The following ATP2B4 variants were observed in gnomAD, a reference collection of about 807,000 sequenced individuals.
ATP2B4 encodes the protein plasma membrane calcium-transporting ATPase 4.
Under a neutral mutation model 110.3 loss-of-function variants are expected in ATP2B4, and 39 were observed. The observed-to-expected ratio is 0.35, with a 90% CI of 0.27 to 0.46. ATP2B4 has a LOEUF of 0.46. ATP2B4 is among the 20% of genes least tolerant of loss of function. The pLI, the probability that ATP2B4 is intolerant of heterozygous loss-of-function variation, is 1.00. For missense variants in ATP2B4, 1,135 were observed against 1,530.9 expected (o/e 0.74, Z 4.32); for synonymous variants, 538 against 571.7 (o/e 0.94, Z 0.84).
In ATP2B4 at chr1:203,629,868, GAT is replaced by G. The variant is rs1571656690; in HGVS notation, c.-465+2650_-465+2651del. Among the ~76,000 whole-genome samples, 1 of 152,208 alleles carries G rather than the reference GAT, an allele frequency of 6.6e-6. No individual in the cohort carries two copies. Among genetic ancestry groups the G allele is most frequent in the East Asian group, 1.9e-4 (1 of 5,186 alleles). On this transcript the variant is annotated intron_variant, in intron 1 of 20. Coordinates refer to ENST00000357681, the MANE Select transcript of ATP2B4 (RefSeq NM_001684.5). This position sits in a 1 kb window ranked among gnomAD's most constrained non-coding sequence, Gnocchi z 4.6. ...TCCCAGCGCCCAGCACGGAGCCTGG[GAT>G]GTTAGAGCGCTGGGTCAAGGCATGT...
intron 1 of ATP2B4, among the ~76,000 whole-genome samples, chr1:203,658,974 A>G: frequency 6.6e-6 from 1 of 152,148 alleles, no homozygotes. Context: ...ACTGCACTCC[A>G]GCCTGGGTGA....
intron 20 of ATP2B4, among the ~76,000 whole-genome samples, chr1:203,737,763 C>A (rs1393617362): frequency 1.3e-5 from 2 of 152,190 alleles, no homozygotes; most frequent in Admixed American, 1.3e-4. Context: ...TGAGCTGATA[C>A]TGTTGAGTGG....
intron 20 of ATP2B4, among the ~76,000 whole-genome samples, chr1:203,736,943 G>C (rs1317895639): frequency 3.3e-5 from 5 of 152,160 alleles, no homozygotes; most frequent in Non-Finnish European, 7.3e-5. Context: ...CAAGCCAGCT[G>C]GTGCTCCCTA....
intron 20 of ATP2B4, among the ~76,000 whole-genome samples, chr1:203,730,154 A>AT (rs1666656787): frequency 6.6e-6 from 1 of 151,712 alleles, no homozygotes; most frequent in African/African-American, 2.4e-5. Context: ...TTTAAAAAAA[A>AT]ATTTACCCTG....
chr1:203,739,493 G>C (rs1666951256), intron 20 of ATP2B4, 53 bp from the exon 21 acceptor site: 1 of 1,545,890 alleles, frequency 6.5e-7, no homozygotes, highest in African/African-American at 1.4e-5. Flanking sequence ...TGTTCTGCCG[G>C]CCAATTCTCA....
chr1:203,698,418 G>T, intron 3 of ATP2B4, 64 bp downstream of exon 3: 1 of 1,526,692 alleles, frequency 6.6e-7, no homozygotes, highest in Non-Finnish European at 9.1e-7. Flanking sequence ...ACCACCAAGC[G>T]CTTAGTATTG....
intron 1 of ATP2B4, among the ~76,000 whole-genome samples, chr1:203,655,463 T>C (rs942646862): frequency 6.6e-6 from 1 of 152,050 alleles, no homozygotes; most frequent in African/African-American, 2.4e-5. Flanking sequence ...CTGGCCAACA[T>C]GGAGAAACCC....
chr1:203,693,785 A>G (rs1665452861), intron 2 of ATP2B4, among the ~76,000 whole-genome samples: 2 of 152,202 alleles, frequency 1.3e-5, no homozygotes, highest in South Asian at 4.1e-4. Context: ...CCCGTGGTGA[A>G]GGAAGTAGGG....
chr1:203,678,973 A>G lies in ATP2B4; in HGVS notation c.-464-3769A>G, dbSNP rs562020571. Among the ~76,000 whole-genome samples the G allele has an allele frequency of 2.6e-5, 4 of 152,234 alleles. No homozygotes were observed. The South Asian group carries it at 8.3e-4, about 31-fold the overall frequency. ...AGATGTTATAGGAATTTAGGAGGAA[A>G]AAAGTAAAATGTCTTAATGATCATG... On this transcript the variant is annotated intron_variant, in intron 1 of 20. Coordinates refer to ENST00000357681, the MANE Select transcript of ATP2B4 (RefSeq NM_001684.5).
At chr1:203,679,916 C>T (rs1425208039) in intron 1 of ATP2B4, among the ~76,000 whole-genome samples, 1 of 151,982 alleles carries the variant, frequency 6.6e-6, no homozygotes, top group Admixed American at 6.6e-5. Context: ...AAAATATTAG[C>T]TGGGCATGGT....
chr1:203,689,170 G>A (rs1435063905), intron 2 of ATP2B4, among the ~76,000 whole-genome samples: 1 of 152,200 alleles, frequency 6.6e-6, no homozygotes, highest in Non-Finnish European at 1.5e-5. Flanking sequence ...ATGGCCTCGT[G>A]AGTGGAAGAA....
chr1:203,635,972 TG>T (rs1663425402), intron 1 of ATP2B4, among the ~76,000 whole-genome samples: 1 of 151,782 alleles, frequency 6.6e-6, no homozygotes, highest in African/African-American at 2.4e-5. Context: ...CAGGAGCACC[TG>T]GGCCCTGATG....
At chr1:203,647,689 G>A (rs938734163) in intron 1 of ATP2B4, among the ~76,000 whole-genome samples, 10 of 152,050 alleles carry the variant, frequency 6.6e-5, no homozygotes, top group African/African-American at 9.7e-5. Context: ...AGTCCAGGAG[G>A]TTGAGGCTGC....
chr1:203,673,483 A>G (rs1034248219), intron 1 of ATP2B4, among the ~76,000 whole-genome samples: 1 of 152,152 alleles, frequency 6.6e-6, no homozygotes, highest in African/African-American at 2.4e-5. Flanking sequence ...ATTCCTGGCC[A>G]CCTTTTTTAA....
At chr1:203,663,942 G>A (rs960475025) in intron 1 of ATP2B4, among the ~76,000 whole-genome samples, 24 of 152,118 alleles carry the variant, frequency 1.6e-4, no homozygotes, top group African/African-American at 5.8e-4. Flanking sequence ...GTAGTATGGA[G>A]TATGCCTTAG....
chr1:203,650,725 C>A (rs1346206962), intron 1 of ATP2B4, among the ~76,000 whole-genome samples: 3 of 152,222 alleles, frequency 2.0e-5, no homozygotes, highest in African/African-American at 7.2e-5. Flanking sequence ...CGAGGCTCAG[C>A]ATGCCGGCTG....
At position 203,683,003 on chromosome 1, in the gene ATP2B4, G is replaced by T; in HGVS notation, c.-203G>T. On this transcript the variant is annotated 5_prime_UTR_variant, in exon 2 of 21. Transcript: ENST00000357681. ...CATCCTCTTCCTCCTCTCGCTGCCA[G>T]ACTTCATACGGAAGAAAGGATCTAG... 1.9e-6 allele frequency: 1 copy of T among 519,432 alleles called. No homozygotes were observed. The allele number at this position is 519,432 out of a possible 1,614,324, so 32.2% of individuals were successfully genotyped here.
rs535594338 is a variant in ATP2B4, at chr1:203,655,189, C to G, written c.-464-27553C>G. ...TGGTTTCTTGAGATGAAATCTACTC[C>G]TGTTGAAGATGCTGTAAATACTGTT... On this transcript the variant is annotated intron_variant, in intron 1 of 20. Coordinates refer to ENST00000357681, the MANE Select transcript of ATP2B4 (RefSeq NM_001684.5). Among the ~76,000 whole-genome samples the G allele has an allele frequency of 1.7e-4, 26 of 152,300 alleles. No individual in the cohort carries two copies. In the South Asian group the frequency reaches 5.4e-3, roughly 32 times the overall value.
intron 7 of ATP2B4, 111 bp downstream of exon 7, chr1:203,702,190 C>A: frequency 7.1e-7 from 1 of 1,399,340 alleles, no homozygotes; most frequent in Non-Finnish European, 9.9e-7. Context: ...TTATCTGCTG[C>A]TGTGGCTCAG....
Sources: gnomAD v4.1 joint callset for allele counts (sites outside exome capture counted in the v4.1 genomes callset) on GRCh38, gnomAD v4.1.1 for gene constraint, Gnocchi (gnomAD v3.1) non-coding constraint, MANE v1.5 for transcripts, NCBI Gene and HGNC (gene_info 2026-07-23, HGNC 2026-07-21) for gene names.